The following BICC1 variants were observed in gnomAD, a reference collection of about 807,000 sequenced individuals.
The protein encoded by BICC1 is protein bicaudal C homolog 1.
In BICC1, 43 loss-of-function variants were observed where a neutral mutation model predicts 111.0. The observed-to-expected ratio is 0.39, with a 90% confidence interval of 0.30 to 0.50. The LOEUF (loss-of-function observed/expected upper bound fraction) is 0.50. BICC1 is among the 20% of genes least tolerant of loss of function. BICC1 has a pLI of 0.88. For missense variants in BICC1, 1,091 were observed against 1,203.2 expected, an observed-to-expected ratio of 0.91 and a Z score of 1.38; for synonymous variants, 467 against 434.4, an observed-to-expected ratio of 1.07 and a Z score of -0.93.
chr10:58,526,739 C>G (rs1345505089), intron 1 of BICC1, among the ~76,000 whole-genome samples: 1 of 152,164 alleles, frequency 6.6e-6, no homozygotes, highest in Non-Finnish European at 1.5e-5. Flanking sequence ...TCATCCATGC[C>G]CTACCAAGGA....
intron 2 of BICC1, among the ~76,000 whole-genome samples, chr10:58,670,679 C>A (rs1443292261): frequency 1.3e-5 from 2 of 152,052 alleles, no homozygotes; most frequent in Non-Finnish European, 2.9e-5. Context: ...TAGATGAGCT[C>A]AATTTTGAAC....
At chr10:58,703,164 CTT>C (rs3076275) in intron 3 of BICC1, among the ~76,000 whole-genome samples, 1 of 130,406 alleles carries the variant, frequency 7.7e-6, no homozygotes. Context: ...TATCTTGCTA[CTT>C]TTTTTTTTTT....
At chr10:58,658,290 C>T (rs946994990) in intron 2 of BICC1, among the ~76,000 whole-genome samples, 2 of 152,104 alleles carry the variant, frequency 1.3e-5, no homozygotes, top group African/African-American at 2.4e-5. Context: ...TGAGTTTAAG[C>T]GATTCTCCTG....
intron 1 of BICC1, among the ~76,000 whole-genome samples, chr10:58,605,805 G>A (rs964913999): frequency 4.6e-5 from 7 of 152,214 alleles, no homozygotes; most frequent in African/African-American, 1.7e-4. Flanking sequence ...TCACAGACAT[G>A]GAACCCAGGG....
At chr10:58,523,658 C>T (rs1371872029) in intron 1 of BICC1, among the ~76,000 whole-genome samples, 3 of 152,138 alleles carry the variant, frequency 2.0e-5, no homozygotes, top group African/African-American at 7.2e-5. Flanking sequence ...CAGGGATGCC[C>T]TCTCTCACCA....
rs191638657 is a variant in BICC1, at chr10:58,830,195, A to G, written c.*1304A>G. On this transcript the variant is annotated 3_prime_UTR_variant, in exon 21 of 21. Transcript: ENST00000373886. The stretch of plus-strand genomic sequence containing the variant: ...TTAAGTGGCTAGAGTCATTATTACA[A>G]TCTTATACTGTGAAAGTCCAAGAAA... 61 of 152,264 alleles carry G rather than the reference A, an allele frequency of 4.0e-4. No homozygotes were observed. The highest frequency in any genetic ancestry group is 1.2e-3 in the African/African-American group (48 of 41,568). The allele number at this position is 152,264 out of a possible 1,614,324, so 9.4% of individuals were successfully genotyped here.
chr10:58,526,800 G>A (rs539200850), intron 1 of BICC1, among the ~76,000 whole-genome samples: 1 of 152,244 alleles, frequency 6.6e-6, no homozygotes, highest in South Asian at 2.1e-4. Flanking sequence ...GTGTATATGT[G>A]CCACATTTTC....
chr10:58,802,693 C>A (rs114983985), intron 14 of BICC1, among the ~76,000 whole-genome samples: 1 of 152,294 alleles, frequency 6.6e-6, no homozygotes, highest in African/African-American at 2.4e-5. Flanking sequence ...TTGATATCTC[C>A]TTGATGTATA....
intron 3 of BICC1, among the ~76,000 whole-genome samples, chr10:58,729,979 C>T (rs1463248929): frequency 1.3e-5 from 2 of 152,194 alleles, no homozygotes; most frequent in Non-Finnish European, 2.9e-5. Context: ...ATATCCTTCT[C>T]ACATTGCAAA....
chr10:58,810,083 A>G (rs1217578760), intron 17 of BICC1, among the ~76,000 whole-genome samples: 1 of 152,220 alleles, frequency 6.6e-6, no homozygotes, highest in Admixed American at 6.5e-5. Context: ...ATTGTGATGC[A>G]TGTGTCCCAC....
In BICC1 at chr10:58,829,858, G is replaced by T. The variant is rs370280670; in HGVS notation, c.*967G>T. The T allele has an allele frequency of 9.2e-5, 14 of 152,214 alleles. No individual in the cohort carries two copies. The highest frequency in any genetic ancestry group is 3.4e-4 in the African/African-American group (14 of 41,532). 9.4% of individuals were successfully genotyped at this position (152,214 alleles called of 1,614,324 possible). On this transcript the variant is annotated 3_prime_UTR_variant, in exon 21 of 21. Coordinates refer to ENST00000373886, the MANE Select transcript of BICC1 (RefSeq NM_001080512.3). ...CATACAGTACATAATTGATGAAATT[G>T]ATATTTACTAGAGATTTATGGTAGA...
rs370334520 is a variant in BICC1 at position 58,583,574 on chromosome 10, TTC to T, written c.191-37271_191-37270del. ...CTTCCTTTTTTATGGCTGAGTAGTA[TTC>T]TCTCTCTCTGTGTGTGTGTGTGTGT... On this transcript the variant is annotated intron_variant, in intron 1 of 20. Coordinates refer to ENST00000373886, the MANE Select transcript of BICC1 (RefSeq NM_001080512.3). Among the ~76,000 whole-genome samples, 493 of 137,216 alleles carry T rather than the reference TTC, an allele frequency of 3.6e-3. 3 individuals are homozygous for T. Among genetic ancestry groups the T allele is most frequent in the South Asian group, 0.011 (47 of 4,102 alleles). The allele number at this position is 137,216 out of a possible 152,430, so 90.0% of individuals were successfully genotyped here.
rs115498801 is a variant in BICC1, at chr10:58,829,130, C to A, written c.*239C>A. 3.6e-3 allele frequency: 1,145 copies of A among 321,062 alleles called. 13 individuals are homozygous for A. The highest frequency in any genetic ancestry group is 0.02 in the African/African-American group (855 of 43,246). 19.9% of individuals were successfully genotyped at this position (321,062 alleles called of 1,614,324 possible). On this transcript the variant is annotated 3_prime_UTR_variant, in exon 21 of 21. Transcript: ENST00000373886. ...TAAAATGGCAGTTGGACAGAATTTGCAATATAAGGATAGGGCTTTATTTCC... is the reference window on the plus strand; with the variant it reads ...TAAAATGGCAGTTGGACAGAATTTGAAATATAAGGATAGGGCTTTATTTCC...
intron 2 of BICC1, among the ~76,000 whole-genome samples, chr10:58,669,520 A>G (rs901384525): frequency 2.6e-5 from 4 of 152,128 alleles, no homozygotes; most frequent in African/African-American, 9.6e-5. Context: ...AATTTTTGCA[A>G]AGAAAGACCT....
intron 1 of BICC1, among the ~76,000 whole-genome samples, chr10:58,601,445 A>G (rs1845037793): frequency 6.6e-6 from 1 of 151,704 alleles, no homozygotes; most frequent in Non-Finnish European, 1.5e-5. Flanking sequence ...AATGTTTGAA[A>G]AAGTGTCTAT....
At chr10:58,753,343 T>G (rs976585391) in intron 3 of BICC1, among the ~76,000 whole-genome samples, 1 of 152,022 alleles carries the variant, frequency 6.6e-6, no homozygotes, top group Non-Finnish European at 1.5e-5. Context: ...TGATTTTTTA[T>G]TTTTGTTAGA....
chr10:58,545,821 A>G (rs1255830375), intron 1 of BICC1, among the ~76,000 whole-genome samples: 4 of 152,010 alleles, frequency 2.6e-5, no homozygotes, highest in Admixed American at 2.0e-4. Context: ...CCTCCAACCA[A>G]TGCAAGAACA....
intron 1 of BICC1, among the ~76,000 whole-genome samples, chr10:58,607,436 C>T (rs893799870): frequency 3.3e-5 from 5 of 151,628 alleles, no homozygotes; most frequent in Non-Finnish European, 7.4e-5. Flanking sequence ...TTATCCCATC[C>T]TCCATTCTCT....
At chr10:58,718,804 A>G (rs1034458240) in intron 3 of BICC1, among the ~76,000 whole-genome samples, 3 of 144,556 alleles carry the variant, frequency 2.1e-5, no homozygotes, top group Non-Finnish European at 4.5e-5. Flanking sequence ...CCGCGTGCTT[A>G]TGGGTATGTG....
Sources: gnomAD v4.1 joint callset for allele counts (sites outside exome capture counted in the v4.1 genomes callset) on GRCh38, gnomAD v4.1.1 for gene constraint, MANE v1.5 for transcripts, NCBI Gene and HGNC (gene_info 2026-07-23, HGNC 2026-07-21) for gene names.